Variants in IL1RAP observed in about 807,000 individuals in gnomAD.
IL1RAP encodes interleukin 1 receptor accessory protein.
In IL1RAP, 35 loss-of-function variants were observed where a neutral mutation model predicts 60.7. That is an observed-to-expected ratio of 0.58 (90% CI 0.44 to 0.76). The LOEUF (loss-of-function observed/expected upper bound fraction) is 0.76. Among genes scored for constraint, IL1RAP ranks in the 30% least tolerant of loss-of-function variants. IL1RAP has a pLI of 0.00. For missense variants in IL1RAP, 572 were observed against 693.9 expected, an observed-to-expected ratio of 0.82 and a Z score of 1.97; for synonymous variants, 268 against 250.9, an observed-to-expected ratio of 1.07 and a Z score of -0.64.
intron 11 of IL1RAP, among the ~76,000 whole-genome samples, chr3:190,646,408 T>TC (rs1394847804): frequency 6.6e-6 from 1 of 152,142 alleles, no homozygotes; most frequent in Non-Finnish European, 1.5e-5. Context: ...CTACTCAAAT[T>TC]CCCCTTTTCC....
intron 2 of IL1RAP, among the ~76,000 whole-genome samples, chr3:190,557,732 G>T (rs13321840): frequency 0.67 from 101,777 of 152,080 alleles, 34,672 homozygotes; most frequent in South Asian, 0.79. Context: ...CTGTCAAAAA[G>T]GCTCCATAAA....
downstream of IL1RAP, among the ~76,000 whole-genome samples, chr3:190,655,160 T>G (rs1734572296): frequency 6.6e-6 from 1 of 152,164 alleles, no homozygotes. Flanking sequence ...TAACTGAGAA[T>G]CTTAGGAGGT....
At chr3:190,559,435 C>G (rs921655475) in intron 2 of IL1RAP, among the ~76,000 whole-genome samples, 1 of 151,780 alleles carries the variant, frequency 6.6e-6, no homozygotes, top group Non-Finnish European at 1.5e-5. Flanking sequence ...TTCATTTATT[C>G]TTCTTTCTGT....
At chr3:190,654,930 C>T (rs77645996), downstream of IL1RAP, among the ~76,000 whole-genome samples, 7,343 of 152,212 alleles carry the variant, frequency 0.048, 514 homozygotes, top group African/African-American at 0.16. Flanking sequence ...CACTTTGATA[C>T]CATTAGAATC....
chr3:190,632,321 C>T (rs1577785635), intron 9 of IL1RAP, among the ~76,000 whole-genome samples: 1 of 152,178 alleles, frequency 6.6e-6, no homozygotes, highest in Non-Finnish European at 1.5e-5. Flanking sequence ...TTACATTGTG[C>T]TTTAAATTTG....
At chr3:190,548,261 G>A (rs531412600) in intron 1 of IL1RAP, among the ~76,000 whole-genome samples, 145 of 152,166 alleles carry the variant, frequency 9.5e-4, no homozygotes, top group African/African-American at 3.1e-3. Context: ...ATAATGCAGC[G>A]TGCCTGTGAA....
intron 1 of IL1RAP, among the ~76,000 whole-genome samples, chr3:190,540,121 TG>T (rs1723802047): frequency 2.0e-5 from 3 of 152,076 alleles, no homozygotes; most frequent in Admixed American, 2.0e-4. Flanking sequence ...ATAGAGTTTT[TG>T]TTTAGAGAGA....
chr3:190,548,304 T>C (rs937986659), intron 1 of IL1RAP, among the ~76,000 whole-genome samples: 2 of 152,200 alleles, frequency 1.3e-5, no homozygotes, highest in African/African-American at 2.4e-5. Context: ...CAATGTCTCA[T>C]ATTTGTATCA....
At chr3:190,530,947 C>T (rs991994495) in intron 1 of IL1RAP, among the ~76,000 whole-genome samples, 5 of 113,686 alleles carry the variant, frequency 4.4e-5, no homozygotes, top group African/African-American at 2.9e-4. Flanking sequence ...CATCAAGTGG[C>T]CACTTAGCCC....
rs1467736796 is a variant in IL1RAP, at chr3:190,627,424, A to G, written c.877A>G (p.Thr293Ala). The part of the protein sequence containing the change: ...TIDGKKPDDI[T>A]IDVTINESIS... ...TGATGGAAAAAAACCTGATGACATC[A>G]CTATTGATGTCACCATTAACGAAAG... The change falls in exon 8 of 12, where the codon ACT becomes GCT. Residue 293 changes from threonine (T) to alanine (A), a missense_variant. Thr to Ala is a moderately conservative substitution (Grantham distance 58). Transcript: ENST00000447382. 1.2e-6 allele frequency: 2 copies of G among 1,611,954 alleles called. No homozygotes were observed. The highest frequency in any genetic ancestry group is 1.7e-5 in the Admixed American group (1 of 59,678).
At chr3:190,573,310 G>T (rs1371357542) in intron 3 of IL1RAP, among the ~76,000 whole-genome samples, 1 of 149,152 alleles carries the variant, frequency 6.7e-6, no homozygotes, top group Non-Finnish European at 1.5e-5. Context: ...ACGTTCTAAG[G>T]CAGAAACAAT....
At chr3:190,533,097 G>T (rs901641091) in intron 1 of IL1RAP, among the ~76,000 whole-genome samples, 1 of 152,138 alleles carries the variant, frequency 6.6e-6, no homozygotes, top group African/African-American at 2.4e-5. Context: ...TGAAATACTG[G>T]AACTGCTGTA....
intron 3 of IL1RAP, among the ~76,000 whole-genome samples, chr3:190,568,784 C>CT (rs1726650794): frequency 6.6e-6 from 1 of 152,320 alleles, no homozygotes; most frequent in Admixed American, 6.5e-5. Flanking sequence ...ACAGGGTATA[C>CT]TCCTATTAGC....
chr3:190,577,515 T>G (rs915375622), intron 3 of IL1RAP, among the ~76,000 whole-genome samples: 9 of 152,182 alleles, frequency 5.9e-5, no homozygotes, highest in African/African-American at 2.2e-4. Flanking sequence ...CATGCATGTG[T>G]AAGCATGTGG....
At chr3:190,529,616 C>T (rs1289367222) in intron 1 of IL1RAP, among the ~76,000 whole-genome samples, 6 of 147,706 alleles carry the variant, frequency 4.1e-5, no homozygotes, top group African/African-American at 1.0e-4. Flanking sequence ...ACCCGGGAGG[C>T]GGAGGTTGCA....
chr3:190,634,351 C>T (rs983163987), intron 9 of IL1RAP, among the ~76,000 whole-genome samples: 9 of 148,546 alleles, frequency 6.1e-5, no homozygotes, highest in South Asian at 2.1e-4. Context: ...TACAGTGGCG[C>T]GATCTCGGCT....
intron 1 of IL1RAP, chr3:190,554,522 A>G (rs1725229964): frequency 6.6e-6 from 1 of 152,246 alleles, no homozygotes; most frequent in African/African-American, 2.4e-5. Flanking sequence ...CAAGCGGACC[A>G]CAGTATTCAC....
chr3:190,628,831 T>C (rs1329123557), intron 8 of IL1RAP, among the ~76,000 whole-genome samples: 1 of 152,236 alleles, frequency 6.6e-6, no homozygotes, highest in East Asian at 1.9e-4. Context: ...TATTCTAATA[T>C]TCATGCCTTA....
Position 190,649,748 on chromosome 3 carries a change from T to C in IL1RAP, c.*1043T>C. 3.0e-6 allele frequency: 3 copies of C among 985,758 alleles called. No homozygotes were observed. The African/African-American group carries it at 5.2e-5, about 17-fold the overall frequency. The allele number at this position is 985,758 out of a possible 1,614,324, so 61.1% of individuals were successfully genotyped here. On this transcript the variant is annotated 3_prime_UTR_variant, in exon 12 of 12. Transcript: ENST00000447382. ...TTTGGCATTAATATTCTAAGAGAATTAACTGTATTTCCTGTCACCTATTCA... is the reference window on the plus strand; with the variant it reads ...TTTGGCATTAATATTCTAAGAGAATCAACTGTATTTCCTGTCACCTATTCA...
Sources: allele counts gnomAD v4.1 joint callset (sites outside exome capture counted in the v4.1 genomes callset), GRCh38; gene constraint gnomAD v4.1.1; transcripts MANE v1.5; gene names NCBI Gene and HGNC (gene_info 2026-07-23, HGNC 2026-07-21).